The following FGF14 variants were observed in gnomAD, a reference collection of about 807,000 sequenced individuals.
FGF14 encodes fibroblast growth factor 14.
FGF14 carries 5 observed loss-of-function variants against 25.5 expected under a neutral mutation model. The ratio of observed to expected loss-of-function variants is 0.20; its 90% confidence interval spans 0.10 to 0.41. The LOEUF is 0.41. FGF14 is among the 10% of genes least tolerant of loss of function. The pLI is 1.00. For synonymous variants in FGF14, 138 were observed against 118.3 expected, an observed-to-expected ratio of 1.17 and a Z score of -1.08; for missense variants, 222 against 320.1, an observed-to-expected ratio of 0.69 and a Z score of 2.34.
At chr13:102,286,138 T>C (rs1214897651) in intron 1 of FGF14, among the ~76,000 whole-genome samples, 1 of 152,172 alleles carries the variant, frequency 6.6e-6, no homozygotes. Context: ...TGAATGTTTT[T>C]ATTTAGGGGC....
intron 1 of FGF14, among the ~76,000 whole-genome samples, chr13:102,023,292 T>C (rs1028616479): frequency 3.3e-5 from 5 of 152,018 alleles, no homozygotes; most frequent in African/African-American, 1.2e-4. Flanking sequence ...TCAAATTTTA[T>C]CCTCCATTTA....
chr13:102,259,878 T>C (rs1335034326), intron 1 of FGF14, among the ~76,000 whole-genome samples: 1 of 152,180 alleles, frequency 6.6e-6, no homozygotes, highest in Non-Finnish European at 1.5e-5. Context: ...GTCTTTGCTC[T>C]GGAAAAAAGC....
At chr13:102,059,814 G>A (rs1270220652) in intron 1 of FGF14, among the ~76,000 whole-genome samples, 1 of 151,284 alleles carries the variant, frequency 6.6e-6, no homozygotes, top group Non-Finnish European at 1.5e-5. Context: ...TCGCACCATT[G>A]CACTCCAGCC....
At chr13:101,735,029 A>G (rs980087796) in intron 3 of FGF14, among the ~76,000 whole-genome samples, 4 of 152,202 alleles carry the variant, frequency 2.6e-5, no homozygotes, top group African/African-American at 9.6e-5. Context: ...TAGAGGCTTA[A>G]CAAGTGCTTG....
intron 1 of FGF14, among the ~76,000 whole-genome samples, chr13:102,099,403 T>C (rs959152361): frequency 2.6e-5 from 4 of 152,202 alleles, no homozygotes; most frequent in Admixed American, 6.5e-5. Flanking sequence ...TCTAAAATCC[T>C]CAACCAACTG....
chr13:101,876,360 A>G (rs1443990637), intron 1 of FGF14, among the ~76,000 whole-genome samples: 1 of 152,210 alleles, frequency 6.6e-6, no homozygotes, highest in Non-Finnish European at 1.5e-5. Flanking sequence ...CGCTGTCGAA[A>G]CAGTCGGACG....
chr13:101,994,555 G>C (rs1193502264), intron 1 of FGF14, among the ~76,000 whole-genome samples: 3 of 151,840 alleles, frequency 2.0e-5, no homozygotes, highest in Non-Finnish European at 2.9e-5. Flanking sequence ...AGTTGGTTTT[G>C]TCATCGAGAC....
intron 1 of FGF14, among the ~76,000 whole-genome samples, chr13:102,080,797 C>G (rs1042481463): frequency 2.0e-5 from 3 of 152,216 alleles, no homozygotes; most frequent in Non-Finnish European, 4.4e-5. Context: ...AATTTACCCA[C>G]ATTTGTGAAA....
At chr13:102,084,889 T>C (rs1214941931) in intron 1 of FGF14, among the ~76,000 whole-genome samples, 4 of 152,190 alleles carry the variant, frequency 2.6e-5, no homozygotes, top group Non-Finnish European at 5.9e-5. Flanking sequence ...CTGTCAGAAA[T>C]GGCTCCCCAA....
chr13:101,758,364 C>G (rs1455112913), intron 3 of FGF14, among the ~76,000 whole-genome samples: 1 of 152,178 alleles, frequency 6.6e-6, no homozygotes, highest in South Asian at 2.1e-4. Context: ...GTTTGCATTT[C>G]TAACAAGTTC....
Position 101,815,927 on chromosome 13 carries a change from A to G in FGF14, c.408+52798T>C, listed in dbSNP as rs144417771. On this transcript the variant is annotated intron_variant, in intron 3 of 4. Coordinates refer to ENST00000376143, the MANE Select transcript of FGF14 (RefSeq NM_004115.4). Reference sequence around the variant, plus strand: ...GACAAGGGGAATTTCATCTGAATTAACAGTCAAATTAAAACTTTGATCATT... The same window carrying G: ...GACAAGGGGAATTTCATCTGAATTAGCAGTCAAATTAAAACTTTGATCATT... Among the ~76,000 whole-genome samples the G allele has an allele frequency of 3.7e-3, 570 of 152,268 alleles. 6 individuals carry two copies. Among genetic ancestry groups the G allele is most frequent in the African/African-American group, 0.013 (546 of 41,542 alleles).
intron 1 of FGF14, among the ~76,000 whole-genome samples, chr13:102,009,995 T>G (rs2039997281): frequency 6.6e-6 from 1 of 152,112 alleles, no homozygotes; most frequent in Admixed American, 6.6e-5. Context: ...AAATGTTGAA[T>G]GATGAAAATA....
At chr13:101,920,569 G>A (rs9518598), upstream of FGF14, among the ~76,000 whole-genome samples, 46,967 of 151,984 alleles carry the variant, frequency 0.31, 7,943 homozygotes, top group East Asian at 0.73. Flanking sequence ...AGCTATGACT[G>A]TATTATCATC....
chr13:101,820,764 ACACACAC>A (rs964497070), intron 3 of FGF14, among the ~76,000 whole-genome samples: 5 of 143,986 alleles, frequency 3.5e-5, no homozygotes, highest in Admixed American at 2.8e-4. Context: ...TACAGTACAC[ACACACAC>A]CACACACCAC....
At chr13:101,858,934 C>T (rs943461306) in intron 3 of FGF14, among the ~76,000 whole-genome samples, 3 of 151,968 alleles carry the variant, frequency 2.0e-5, no homozygotes, top group African/African-American at 4.8e-5. Flanking sequence ...AAGTTAAAGA[C>T]GACATTACCA....
intron 3 of FGF14, among the ~76,000 whole-genome samples, chr13:101,798,511 GA>G (rs891080567): frequency 5.3e-5 from 8 of 151,996 alleles, no homozygotes; most frequent in African/African-American, 1.9e-4. Flanking sequence ...TAATAGATGA[GA>G]AAAAAATATC....
intron 3 of FGF14, among the ~76,000 whole-genome samples, chr13:101,773,340 C>T (rs1368074916): frequency 6.6e-6 from 1 of 152,070 alleles, no homozygotes; most frequent in African/African-American, 2.4e-5. Context: ...GGTCACTTAG[C>T]TAATAGGAAA....
chr13:101,744,226 G>C (rs1441848770), intron 3 of FGF14, among the ~76,000 whole-genome samples: 1 of 152,044 alleles, frequency 6.6e-6, no homozygotes, highest in African/African-American at 2.4e-5. Flanking sequence ...TAGCATGCTA[G>C]AGCCTGGCCA....
chr13:102,127,115 C>A (rs1390013736), intron 1 of FGF14, among the ~76,000 whole-genome samples: 1 of 150,646 alleles, frequency 6.6e-6, no homozygotes, highest in African/African-American at 2.5e-5. Context: ...TATATATATA[C>A]ATATATGTAA....
Sources: allele counts gnomAD v4.1 joint callset (sites outside exome capture counted in the v4.1 genomes callset), GRCh38; gene constraint gnomAD v4.1.1; transcripts MANE v1.5; gene names NCBI Gene and HGNC (gene_info 2026-07-23, HGNC 2026-07-21).